Variants in TBCD observed in about 807,000 individuals in gnomAD.
TBCD encodes tubulin folding cofactor D.
In TBCD, 105 loss-of-function variants were observed where a neutral mutation model predicts 169.3. The ratio of observed to expected loss-of-function variants is 0.62; its 90% CI spans 0.53 to 0.73. The LOEUF (loss-of-function observed/expected upper bound fraction) is 0.73. TBCD is among the 30% of genes least tolerant of loss of function. The pLI, the probability that TBCD is intolerant of heterozygous loss-of-function variation, is 0.00. For synonymous variants in TBCD, 700 were observed against 643.9 expected (o/e 1.09, Z -1.32); for missense variants, 1,444 against 1,600.1 (o/e 0.90, Z 1.66).
chr17:82,848,512 C>T (rs146555303), intron 13 of TBCD, among the ~76,000 whole-genome samples: 54 of 152,334 alleles, frequency 3.5e-4, no homozygotes, highest in African/African-American at 1.1e-3. Context: ...CATTCTCACT[C>T]GCCTGACTCA....
rs1481515965 is a variant in TBCD, at chr17:82,922,141, A to C, written c.2178+564A>C. On this transcript the variant is annotated intron_variant, in intron 25 of 38. Transcript: ENST00000355528. This position sits in a 1 kb window ranked among gnomAD's most constrained non-coding sequence, Gnocchi z 4.1. ...GGCCCGGCGCAGTGGCGGGTGGATC[A>C]CTTGAGGTCAGGAGTTCGAGGCCAG... Among the ~76,000 whole-genome samples, 1 of 152,224 alleles carries C rather than the reference A, an allele frequency of 6.6e-6. No individual in the cohort carries two copies. The highest frequency in any genetic ancestry group is 1.5e-5 in the Non-Finnish European group (1 of 68,044).
chr17:82,797,396 G>A (rs866679042), intron 7 of TBCD, among the ~76,000 whole-genome samples: 10 of 152,126 alleles, frequency 6.6e-5, no homozygotes, highest in Non-Finnish European at 1.2e-4. Context: ...TTATTTATAC[G>A]CAGATAATTT....
chr17:82,836,950 T>G (rs1345804314), intron 13 of TBCD, among the ~76,000 whole-genome samples: 1 of 152,154 alleles, frequency 6.6e-6, no homozygotes, highest in Admixed American at 6.5e-5. Context: ...GTGAGAGTGT[T>G]TGGAGCTCAA....
At chr17:82,767,614 T>C (rs1217645248) in intron 4 of TBCD, among the ~76,000 whole-genome samples, 2 of 152,038 alleles carry the variant, frequency 1.3e-5, no homozygotes, top group East Asian at 3.9e-4. Flanking sequence ...GGTAATTTTG[T>C]ATTTTTAGTA....
intron 34 of TBCD, among the ~76,000 whole-genome samples, chr17:82,935,054 ACT>A (rs2062504605): frequency 7.0e-6 from 1 of 143,520 alleles, no homozygotes. Context: ...ACACAGCCAG[ACT>A]CTGTTTCAAA....
chr17:82,903,515 C>T lies in TBCD; in HGVS notation c.1804+37C>T. 2 of 1,557,098 alleles carry T rather than the reference C, an allele frequency of 1.3e-6. No individual in the cohort carries two copies. Among genetic ancestry groups the T allele is most frequent in the Non-Finnish European group, 8.7e-7 (1 of 1,147,620 alleles). ...TCCCGGCCGGCCTGCGGGCACCATG[C>T]ATGCACTGCAGAAAGGCCTGGGTTG... On this transcript the variant is annotated intron_variant, in intron 19 of 38. Coordinates refer to ENST00000355528, the MANE Select transcript of TBCD (RefSeq NM_005993.5). This position sits in a 1 kb window ranked among gnomAD's most constrained non-coding sequence, Gnocchi z 4.8.
At chr17:82,892,847 G>T (rs2059235223) in intron 16 of TBCD, among the ~76,000 whole-genome samples, 1 of 152,210 alleles carries the variant, frequency 6.6e-6, no homozygotes, top group African/African-American at 2.4e-5. Flanking sequence ...ACCTGAGAGT[G>T]GTATCAGTAA....
At chr17:82,859,532 T>A (rs2056593379) in intron 13 of TBCD, 3 of 984,514 alleles carry the variant, frequency 3.0e-6, no homozygotes, top group Non-Finnish European at 3.6e-6. Context: ...TCCTGTTGGG[T>A]GAGCAGACAC....
At chr17:82,861,575 C>G (rs560569357) in intron 13 of TBCD, among the ~76,000 whole-genome samples, 1 of 152,220 alleles carries the variant, frequency 6.6e-6, no homozygotes, top group South Asian at 2.1e-4. Flanking sequence ...GCCATGTGTC[C>G]GGAGAGGGCT....
intron 13 of TBCD, among the ~76,000 whole-genome samples, chr17:82,860,155 C>A (rs540838601): frequency 2.0e-4 from 30 of 152,330 alleles, no homozygotes; most frequent in African/African-American, 7.0e-4. Flanking sequence ...TTAATTCTCC[C>A]GAATGCCTGT....
chr17:82,838,595 C>T (rs1461778031), intron 13 of TBCD: 1 of 956,030 alleles, frequency 1.0e-6, no homozygotes, highest in African/African-American at 1.8e-5. Context: ...TGTCGCCTAC[C>T]CACTGTGATG....
At chr17:82,870,177 G>C (rs537462471) in intron 13 of TBCD, 47 bp from the exon 14 acceptor site, 1 of 1,609,606 alleles carries the variant, frequency 6.2e-7, no homozygotes, top group African/African-American at 1.3e-5. Flanking sequence ...CTCACGTGTT[G>C]CCCGTGTGGT....
At chr17:82,753,447 C>CTTTTTTTTTTTT (rs59839519) in intron 1 of TBCD, among the ~76,000 whole-genome samples, 3 of 104,294 alleles carry the variant, frequency 2.9e-5, no homozygotes, top group Non-Finnish European at 5.5e-5. Context: ...TGGCTTCTTC[C>CTTTTTTTTTTTT]TTTTTTTTTT....
chr17:82,861,803 C>T (rs940170707), intron 13 of TBCD, among the ~76,000 whole-genome samples: 36 of 151,908 alleles, frequency 2.4e-4, no homozygotes, highest in Non-Finnish European at 4.1e-4. Context: ...AGGGAATTTT[C>T]TAGTAAATGG....
chr17:82,814,871 G>C lies in TBCD; in HGVS notation c.1255G>C (p.Gly419Arg). ...FQETDKAWHG[G>R]CLALAELGRR... ...GGAGACTGACAAGGCGTGGCATGGG[G>C]GATGTCTGGCGCTGGCAGAGCTGGG... Residue 419 changes from glycine to arginine, a missense_variant, in exon 13 of 39, where the codon GGA becomes CGA. By Grantham distance (125) the Gly-to-Arg change is moderately radical (BLOSUM62 -2). Transcript: ENST00000355528. 6.2e-7 allele frequency: 1 copy of C among 1,613,784 alleles called. No homozygotes were observed. The highest frequency in any genetic ancestry group is 1.1e-5 in the South Asian group (1 of 91,044).
chr17:82,886,274 GCAGT>G (rs1187514180), intron 15 of TBCD: 1 of 152,260 alleles, frequency 6.6e-6, no homozygotes, highest in African/African-American at 2.4e-5. Context: ...GGCGACTCAG[GCAGT>G]CAGTGTGTGA....
rs2050955420 is a variant in TBCD, at chr17:82,806,261, G to A, written c.1087+250G>A. Among the ~76,000 whole-genome samples the A allele has an allele frequency of 6.6e-6, 1 of 152,130 alleles. No individual in the cohort carries two copies. Among genetic ancestry groups the A allele is most frequent in the Non-Finnish European group, 1.5e-5 (1 of 68,030 alleles). ...CCGCCTCGCCTCCTTCCTGACCTGGGCTGCCTGTTCTGGGCAGCTGGGTGT... is the reference window on the plus strand; with the variant it reads ...CCGCCTCGCCTCCTTCCTGACCTGGACTGCCTGTTCTGGGCAGCTGGGTGT... On this transcript the variant is annotated intron_variant, in intron 10 of 38. Transcript: ENST00000355528. The surrounding 1 kb of genome is among the most constrained non-coding windows in gnomAD (Gnocchi z 5.1).
chr17:82,802,187 C>T (rs542615700), intron 9 of TBCD, among the ~76,000 whole-genome samples: 5 of 147,206 alleles, frequency 3.4e-5, no homozygotes, highest in South Asian at 2.1e-4. Flanking sequence ...CTGTAGCGGC[C>T]GGTGTGAACG....
intron 13 of TBCD, among the ~76,000 whole-genome samples, chr17:82,820,565 C>T (rs1189214141): frequency 6.6e-6 from 1 of 151,970 alleles, no homozygotes; most frequent in Non-Finnish European, 1.5e-5. Context: ...TGCTGCCCCT[C>T]TCCTCTCCTT....
Sources: allele counts gnomAD v4.1 joint callset (sites outside exome capture counted in the v4.1 genomes callset), GRCh38; gene constraint gnomAD v4.1.1; non-coding constraint Gnocchi (gnomAD v3.1); transcripts MANE v1.5; gene names NCBI Gene and HGNC (gene_info 2026-07-23, HGNC 2026-07-21).